The following HECW2 variants were observed in gnomAD, a reference collection of about 807,000 sequenced individuals.
The protein encoded by HECW2 is E3 ubiquitin-protein ligase HECW2.
A neutral mutation model predicts 175.2 loss-of-function variants in HECW2; 61 were observed. The ratio of observed to expected loss-of-function variants is 0.35; its 90% CI spans 0.28 to 0.43. HECW2 has a LOEUF of 0.43. HECW2 is among the 20% of genes least tolerant of loss of function. HECW2 has a pLI of 1.00. For synonymous variants in HECW2, 671 were observed against 731.0 expected (o/e 0.92, Z 1.32); for missense variants, 1,524 against 2,000.5 (o/e 0.76, Z 4.54).
intron 1 of HECW2, among the ~76,000 whole-genome samples, chr2:196,552,884 A>C (rs565063801): frequency 4.5e-4 from 69 of 152,322 alleles, no homozygotes; most frequent in Middle Eastern, 6.8e-3. Context: ...GCATTAAGGA[A>C]GTCTCTAGCA....
At chr2:196,255,208 CTCGA>C (rs1380521260) in intron 18 of HECW2, among the ~76,000 whole-genome samples, 2 of 123,234 alleles carry the variant, frequency 1.6e-5, no homozygotes, top group Non-Finnish European at 3.2e-5. Context: ...CCAGGTTGGT[CTCGA>C]TCTCCTGACC....
chr2:196,585,099 C>CATAATAT (rs1690927019), intron 1 of HECW2, among the ~76,000 whole-genome samples: 1 of 152,146 alleles, frequency 6.6e-6, no homozygotes, highest in East Asian at 1.9e-4. Flanking sequence ...TGCCATGATT[C>CATAATAT]ACTGTGGCCT....
At position 196,195,011 on chromosome 2, in the gene HECW2, T is replaced by C. The variant is rs192713112; in HGVS notation, c.*6266A>G. Reference sequence around the variant, plus strand: ...AGAGAGATGCATGTATTTTTATTCATTTATTTTGGAATGCCTGCATCCCTA... The same window carrying C: ...AGAGAGATGCATGTATTTTTATTCACTTATTTTGGAATGCCTGCATCCCTA... On this transcript the variant is annotated 3_prime_UTR_variant, in exon 29 of 29. Coordinates refer to ENST00000644978, the MANE Select transcript of HECW2 (RefSeq NM_001348768.2). 33 of 152,362 alleles carry C rather than the reference T, an allele frequency of 2.2e-4. No individual in the cohort carries two copies. Among genetic ancestry groups the C allele is most frequent in the African/African-American group, 7.7e-4 (32 of 41,582 alleles). 9.4% of individuals were successfully genotyped at this position (152,362 alleles called of 1,614,324 possible). A position where few individuals can be genotyped will look rare whatever the true frequency, so the allele number is the denominator to read the frequency against.
chr2:196,307,014 C>A, intron 12 of HECW2, 116 bp downstream of exon 12: 1 of 647,112 alleles, frequency 1.5e-6, no homozygotes, highest in Admixed American at 2.8e-5. Context: ...GTTGGATTAC[C>A]AGATCTTATT....
At chr2:196,258,458 A>G (rs558615132) in intron 17 of HECW2, among the ~76,000 whole-genome samples, 2 of 152,294 alleles carry the variant, frequency 1.3e-5, no homozygotes, top group African/African-American at 4.8e-5. Context: ...ATAAAGAAAA[A>G]ACTGAAATAC....
intron 2 of HECW2, among the ~76,000 whole-genome samples, chr2:196,406,343 T>C (rs1694965409): frequency 6.6e-6 from 1 of 152,238 alleles, no homozygotes; most frequent in Admixed American, 6.5e-5. Context: ...CTGATACTTC[T>C]GTTTCCCACA....
chr2:196,248,597 G>GACACAA (rs1553636702), intron 19 of HECW2, among the ~76,000 whole-genome samples: 21,925 of 143,946 alleles, frequency 0.15, 2,036 homozygotes, highest in East Asian at 0.31. Flanking sequence ...GAGACAGACA[G>GACACAA]ACACACACAC....
At chr2:196,248,853 A>G (rs1263773866) in intron 19 of HECW2, among the ~76,000 whole-genome samples, 3 of 152,118 alleles carry the variant, frequency 2.0e-5, no homozygotes, top group Non-Finnish European at 2.9e-5. Flanking sequence ...AATCTTTAGT[A>G]AAGACCCACA....
Position 196,317,361 on chromosome 2 carries a change from C to T in HECW2, c.2347G>A (p.Ala783Thr), listed in dbSNP as rs1691738926. The T allele has an allele frequency of 8.1e-6, 13 of 1,611,022 alleles. No individual in the cohort carries two copies. Among genetic ancestry groups the T allele is most frequent in the Non-Finnish European group, 1.0e-5 (12 of 1,178,524 alleles). Residue 783 changes from alanine (A) to threonine (T), a missense_variant, in exon 10 of 29, where the codon GCC becomes ACC. Physicochemically the swap from Ala to Thr is moderately conservative, Grantham distance 58. This residue lies in a region of HECW2 where 82 missense variants were observed against 124.4 expected (regional missense o/e 0.66). Coordinates refer to ENST00000644978, the MANE Select transcript of HECW2 (RefSeq NM_001348768.2). The stretch of plus-strand genomic sequence containing the variant: ...GATCGCAGTGGCTGGTGGCCGTTGG[C>T]TTGAGAACCTAGGATTAAAGGTAGA... Reference protein sequence around the residue: ...QEEGATGGSQANGHQPLRSLP... With the variant: ...QEEGATGGSQTNGHQPLRSLP...
chr2:196,577,111 G>A (rs1241027977), intron 1 of HECW2, among the ~76,000 whole-genome samples: 4 of 152,130 alleles, frequency 2.6e-5, no homozygotes, highest in Non-Finnish European at 5.9e-5. Context: ...ACTTATTAGG[G>A]ACATATTTGA....
intron 13 of HECW2, among the ~76,000 whole-genome samples, chr2:196,295,718 G>A (rs1690785650): frequency 6.6e-6 from 1 of 152,140 alleles, no homozygotes; most frequent in African/African-American, 2.4e-5. Context: ...CTTCATTAGG[G>A]CAAGAAGCAG....
At chr2:196,495,734 T>C (rs1301208671) in intron 1 of HECW2, among the ~76,000 whole-genome samples, 2 of 152,152 alleles carry the variant, frequency 1.3e-5, no homozygotes, top group African/African-American at 2.4e-5. Flanking sequence ...ATGAGAATAA[T>C]TGCAACTACC....
chr2:196,438,968 A>T (rs1443466953), intron 1 of HECW2, among the ~76,000 whole-genome samples: 1 of 152,174 alleles, frequency 6.6e-6, no homozygotes, highest in South Asian at 2.1e-4. Flanking sequence ...TTTTCTATAT[A>T]TTCCTTTAAC....
intron 2 of HECW2, among the ~76,000 whole-genome samples, chr2:196,396,699 C>T (rs1400957363): frequency 6.6e-6 from 1 of 152,034 alleles, no homozygotes; most frequent in Non-Finnish European, 1.5e-5. Context: ...TAACAGAGAT[C>T]AAGAAGGAAA....
intron 2 of HECW2, among the ~76,000 whole-genome samples, chr2:196,400,111 A>G (rs1229766818): frequency 6.6e-6 from 1 of 152,230 alleles, no homozygotes; most frequent in Non-Finnish European, 1.5e-5. Context: ...GGCCAGTTTC[A>G]CAAGAGCTTC....
At chr2:196,351,992 CGA>C (rs1225832480) in intron 2 of HECW2, among the ~76,000 whole-genome samples, 1 of 152,188 alleles carries the variant, frequency 6.6e-6, no homozygotes, top group Non-Finnish European at 1.5e-5. Flanking sequence ...ACTGTGACGA[CGA>C]CTTTGAGAGC....
chr2:196,288,972 T>C (rs2106019577), intron 14 of HECW2: 1 of 152,374 alleles, frequency 6.6e-6, no homozygotes, highest in South Asian at 2.1e-4. Flanking sequence ...TTTCCTCTTC[T>C]ATATAATGTG....
rs1332371571 is a variant in HECW2, at chr2:196,278,674, T to C, written c.3001-12A>G. 11 of 1,613,786 alleles carry C rather than the reference T, an allele frequency of 6.8e-6. No homozygotes were observed. Among genetic ancestry groups the C allele is most frequent in the Non-Finnish European group, 8.5e-6 (10 of 1,179,854 alleles). ...TCCACAAAGAATGCCTAGGATACAATACACTGAGTCAAATACATGCCGCTC... is the reference window on the plus strand; with the variant it reads ...TCCACAAAGAATGCCTAGGATACAACACACTGAGTCAAATACATGCCGCTC... On this transcript the variant is annotated splice_polypyrimidine_tract_variant and intron_variant, in intron 14 of 28. Coordinates refer to ENST00000644978, the MANE Select transcript of HECW2 (RefSeq NM_001348768.2).
At chr2:196,563,332 G>A (rs957987724) in intron 1 of HECW2, among the ~76,000 whole-genome samples, 3 of 152,080 alleles carry the variant, frequency 2.0e-5, no homozygotes, top group Admixed American at 1.3e-4. Flanking sequence ...TTGGGAGGCC[G>A]AGGCAGGTGG....
Sources: allele counts gnomAD v4.1 joint callset (sites outside exome capture counted in the v4.1 genomes callset), GRCh38; gene constraint gnomAD v4.1.1; regional missense constraint gnomAD v4.1.1; transcripts MANE v1.5; gene names NCBI Gene and HGNC (gene_info 2026-07-23, HGNC 2026-07-21).